Variants in WASF3 observed in about 807,000 individuals in gnomAD.
The protein encoded by WASF3 is actin-binding protein WASF3.
In WASF3, 11 loss-of-function variants were observed where a neutral mutation model predicts 46.6. The ratio of observed to expected loss-of-function variants is 0.24; its 90% CI spans 0.15 to 0.39. WASF3 has a LOEUF of 0.39. Ranked by LOEUF, WASF3 falls within the 10% of genes least tolerant of loss-of-function variation. WASF3 has a pLI of 1.00. For missense variants in WASF3, 576 were observed against 669.8 expected (o/e 0.86, Z 1.55); for synonymous variants, 242 against 259.7 (o/e 0.93, Z 0.65).
At chr13:26,546,550 A>G in the WASF3 span, among the ~76,000 whole-genome samples, 1 of 152,238 alleles carries the variant, frequency 6.6e-6, no homozygotes, top group South Asian at 2.1e-4. Flanking sequence ...GTCTCTACTA[A>G]AAATACAAAA....
At chr13:26,666,527 A>T (rs1882775183) in intron 4 of WASF3, among the ~76,000 whole-genome samples, 1 of 152,168 alleles carries the variant, frequency 6.6e-6, no homozygotes, top group Non-Finnish European at 1.5e-5. Flanking sequence ...TGGAATCTTA[A>T]CATTTCTGAA....
At chr13:26,627,919 AAAT>A (rs1881522810) in intron 2 of WASF3, among the ~76,000 whole-genome samples, 1 of 151,700 alleles carries the variant, frequency 6.6e-6, no homozygotes, top group African/African-American at 2.4e-5. Flanking sequence ...AAATAAAATA[AAAT>A]AAAATATATA....
At chr13:26,575,303 T>A (rs1411226480) in intron 1 of WASF3, among the ~76,000 whole-genome samples, 1 of 152,210 alleles carries the variant, frequency 6.6e-6, no homozygotes, top group East Asian at 1.9e-4. Context: ...CATTTTCAAA[T>A]CTTTTCAGGA....
intron 5 of WASF3, among the ~76,000 whole-genome samples, chr13:26,670,160 G>C (rs1282018581): frequency 6.6e-6 from 1 of 152,126 alleles, no homozygotes; most frequent in African/African-American, 2.4e-5. Context: ...TATACCCCAT[G>C]GAATACTATG....
intron 3 of WASF3, among the ~76,000 whole-genome samples, chr13:26,656,499 C>A (rs182857866): frequency 6.6e-6 from 1 of 151,998 alleles, no homozygotes; most frequent in Admixed American, 6.5e-5. Context: ...AATTTCATGT[C>A]GTGACTGACC....
At chr13:26,596,658 C>T (rs761232564) in intron 1 of WASF3, among the ~76,000 whole-genome samples, 68 of 152,020 alleles carry the variant, frequency 4.5e-4, no homozygotes, top group African/African-American at 1.6e-3. Context: ...TGAGCTTCTT[C>T]GATCTGTGGG....
At chr13:26,540,895 T>C in the WASF3 span, among the ~76,000 whole-genome samples, 216 of 152,218 alleles carry the variant, frequency 1.4e-3, 1 homozygote, top group African/African-American at 5.1e-3. Flanking sequence ...TGGTGCTAAG[T>C]GGAAAAAGCA....
At chr13:26,651,007 T>C (rs1299209191) in intron 3 of WASF3, among the ~76,000 whole-genome samples, 2 of 152,150 alleles carry the variant, frequency 1.3e-5, no homozygotes, top group African/African-American at 4.8e-5. Context: ...ATGATAGATA[T>C]CAACTAACAG....
chr13:26,574,758 C>A (rs1329238981), intron 1 of WASF3, among the ~76,000 whole-genome samples: 1 of 150,676 alleles, frequency 6.6e-6, no homozygotes, highest in Non-Finnish European at 1.5e-5. Context: ...TTAAAAAATT[C>A]TTTTGATATC....
At chr13:26,655,594 C>A (rs568155010) in intron 3 of WASF3, among the ~76,000 whole-genome samples, 34 of 152,220 alleles carry the variant, frequency 2.2e-4, no homozygotes, top group African/African-American at 7.9e-4. Context: ...CATTGATGAT[C>A]CTTGACAGAA....
the WASF3 span, among the ~76,000 whole-genome samples, chr13:26,549,520 T>C: frequency 3.8e-4 from 58 of 152,090 alleles, 1 homozygote; most frequent in Non-Finnish European, 7.1e-4. Context: ...CAACGTTGAG[T>C]AAAACACAAC....
chr13:26,679,982 G>T lies in WASF3; in HGVS notation c.717-1072G>T. Reference sequence around the variant, plus strand: ...AATCCCAAAGATGGAAATGCAGCGTGCATCTTCCCTGCTCCCTCAGCACCC... The same window carrying T: ...AATCCCAAAGATGGAAATGCAGCGTTCATCTTCCCTGCTCCCTCAGCACCC... On this transcript the variant is annotated intron_variant, in intron 7 of 9. Transcript: ENST00000335327. This position sits in a 1 kb window ranked among gnomAD's most constrained non-coding sequence, Gnocchi z 4.8. 1 of 1,562,674 alleles carries T rather than the reference G, an allele frequency of 6.4e-7. No homozygotes were observed.
At position 26,661,813 on chromosome 13, in the gene WASF3, T is replaced by A. The variant is rs1327733219; in HGVS notation, c.134-3215T>A. On this transcript the variant is annotated intron_variant, in intron 3 of 9. Coordinates refer to ENST00000335327, the MANE Select transcript of WASF3 (RefSeq NM_006646.6). ...TTTTAAATAGTAGCATCCTAATGGG[T>A]ATGAGAGGTGGTGGTGAGAGGGATT... is the stretch of plus-strand genomic sequence containing the variant. Among the ~76,000 whole-genome samples the A allele has an allele frequency of 2.0e-5, 3 of 152,106 alleles. No homozygotes were observed. In the East Asian group the frequency reaches 5.8e-4, roughly 29 times the overall value.
intron 6 of WASF3, 108 bp from the exon 7 acceptor site, chr13:26,676,441 T>A: frequency 8.2e-7 from 1 of 1,216,376 alleles, no homozygotes; most frequent in Non-Finnish European, 1.1e-6. Context: ...TGCGAATGTG[T>A]CTTGTCTGTT....
the WASF3 span, among the ~76,000 whole-genome samples, chr13:26,548,019 A>G: frequency 6.6e-6 from 1 of 152,196 alleles, no homozygotes; most frequent in Admixed American, 6.5e-5. Context: ...TGCTCTATTA[A>G]TATCTGCCAG....
At chr13:26,575,646 G>GT (rs1286067898) in intron 1 of WASF3, among the ~76,000 whole-genome samples, 1 of 152,162 alleles carries the variant, frequency 6.6e-6, no homozygotes, top group African/African-American at 2.4e-5. Context: ...CTTGTTCAAA[G>GT]TTTTTTTATT....
upstream of WASF3, among the ~76,000 whole-genome samples, chr13:26,553,349 C>T (rs78665122): frequency 0.036 from 5,403 of 152,114 alleles, 326 homozygotes; most frequent in African/African-American, 0.12. Context: ...GGGGTAGTAA[C>T]GGAGTCTGGA....
the WASF3 span, among the ~76,000 whole-genome samples, chr13:26,550,124 G>A: frequency 2.0e-5 from 3 of 152,158 alleles, no homozygotes; most frequent in Admixed American, 2.0e-4. Context: ...ATGAAAACAA[G>A]GTACACATGG....
At chr13:26,641,681 G>A (rs1882000976) in intron 2 of WASF3, among the ~76,000 whole-genome samples, 1 of 152,136 alleles carries the variant, frequency 6.6e-6, no homozygotes, top group Non-Finnish European at 1.5e-5. Context: ...TGGGTGAGGA[G>A]TCTGACTTCT....
Sources: gnomAD v4.1 joint callset for allele counts (sites outside exome capture counted in the v4.1 genomes callset) on GRCh38, gnomAD v4.1.1 for gene constraint, Gnocchi (gnomAD v3.1) non-coding constraint, MANE v1.5 for transcripts, NCBI Gene and HGNC (gene_info 2026-07-23, HGNC 2026-07-21) for gene names.